MAST2: variants seen among roughly 807,000 people sequenced by gnomAD.
MAST2 encodes microtubule associated serine/threonine kinase 2, also known as microtubule-associated serine/threonine-protein kinase 2.
A neutral mutation model predicts 147.4 loss-of-function variants in MAST2; 70 were observed. The ratio of observed to expected loss-of-function variants is 0.47; its 90% confidence interval spans 0.39 to 0.58. The LOEUF is 0.58. Ranked by LOEUF, MAST2 falls within the 20% of genes least tolerant of loss-of-function variation. The pLI, the probability that MAST2 is intolerant of heterozygous loss-of-function variation, is 0.00. For missense variants in MAST2, 2,080 were observed against 2,302.3 expected (o/e 0.90, Z 1.98); for synonymous variants, 869 against 896.8 (o/e 0.97, Z 0.55).
chr1:45,822,925 C>T (rs1042423250), intron 1 of MAST2, among the ~76,000 whole-genome samples: 4 of 152,150 alleles, frequency 2.6e-5, no homozygotes, highest in Non-Finnish European at 4.4e-5. Flanking sequence ...TCCTGTTCCC[C>T]GTCTCACTGC....
intron 10 of MAST2, among the ~76,000 whole-genome samples, chr1:46,014,878 T>C (rs1341634072): frequency 6.6e-6 from 1 of 152,166 alleles, no homozygotes; most frequent in African/African-American, 2.4e-5. Context: ...ATACATTTTT[T>C]TCAGCACCGC....
At position 45,809,849 on chromosome 1, in the gene MAST2, A is replaced by G. The variant is rs566298506; in HGVS notation, c.177+5777A>G. ...AGAGATCAAATGCAAAAATGACTGG[A>G]AAGCACATAATAAGTAGGTGCTTAA... On this transcript the variant is annotated intron_variant, in intron 1 of 28. Transcript: ENST00000361297. Among the ~76,000 whole-genome samples, 3 of 152,342 alleles carry G rather than the reference A, an allele frequency of 2.0e-5. No individual in the cohort carries two copies. In the East Asian group the frequency reaches 5.8e-4, roughly 29 times the overall value.
At chr1:45,941,529 A>G (rs1657264358) in intron 4 of MAST2, among the ~76,000 whole-genome samples, 1 of 152,232 alleles carries the variant, frequency 6.6e-6, no homozygotes, top group South Asian at 2.1e-4. Context: ...AAGTGCTGGA[A>G]TTACAGGCGT....
chr1:46,034,652 G>GCCAGTACCGCTCTCCAC lies in MAST2; in HGVS notation c.3984_4000dup (p.Arg1334ProfsTer43). 6.2e-7 allele frequency: 1 copy of GCCAGTACCGCTCTCCAC among 1,614,026 alleles called. No individual in the cohort carries two copies. The highest frequency in any genetic ancestry group is 1.1e-5 in the South Asian group (1 of 91,082). On this transcript the variant is annotated frameshift_variant, in exon 29 of 29. Transcript: ENST00000361297. LOFTEE classifies it low-confidence loss of function (END_TRUNC). ...CACGGTCTGGCACCCAAGCTCCAAC[G>GCCAGTACCGCTCTCCAC]CCAGTACCGCTCTCCACGGCGCAAG...
intron 8 of MAST2, among the ~76,000 whole-genome samples, chr1:46,006,952 G>A (rs568317297): frequency 5.9e-5 from 9 of 152,200 alleles, no homozygotes; most frequent in Non-Finnish European, 1.0e-4. Context: ...GGTTGCTGGC[G>A]TGGGGAAGAA....
At chr1:45,846,559 T>C (rs2147950422) in intron 3 of MAST2, among the ~76,000 whole-genome samples, 1 of 152,256 alleles carries the variant, frequency 6.6e-6, no homozygotes, top group South Asian at 2.1e-4. Flanking sequence ...CGGTGGCTCA[T>C]ACCTGTAATC....
chr1:45,934,835 T>G (rs1376940159), intron 4 of MAST2, among the ~76,000 whole-genome samples: 1 of 152,258 alleles, frequency 6.6e-6, no homozygotes, highest in Non-Finnish European at 1.5e-5. Flanking sequence ...GTGTCTTTGC[T>G]ATAGTGAATA....
At chr1:45,948,857 A>T (rs1287550742) in intron 4 of MAST2, among the ~76,000 whole-genome samples, 1 of 152,170 alleles carries the variant, frequency 6.6e-6, no homozygotes, top group African/African-American at 2.4e-5. Flanking sequence ...GTACAAAAAC[A>T]GGGACATAAA....
intron 15 of MAST2, among the ~76,000 whole-genome samples, chr1:46,025,394 A>T (rs1003952771): frequency 1.3e-5 from 2 of 152,146 alleles, no homozygotes; most frequent in African/African-American, 4.8e-5. Context: ...CATGGGAAAG[A>T]CCCACTTCCA....
At chr1:45,920,974 A>G (rs1422160556) in intron 4 of MAST2, among the ~76,000 whole-genome samples, 4 of 152,058 alleles carry the variant, frequency 2.6e-5, no homozygotes. Flanking sequence ...ACAGTATCTT[A>G]CTCCAATGTC....
At chr1:45,807,656 T>A (rs1644179598) in intron 1 of MAST2, among the ~76,000 whole-genome samples, 1 of 151,924 alleles carries the variant, frequency 6.6e-6, no homozygotes, top group African/African-American at 2.4e-5. Context: ...ATTCTCCAGC[T>A]TCAGCCTCCC....
At chr1:45,978,974 ACC>A (rs1376156873) in intron 5 of MAST2, among the ~76,000 whole-genome samples, 36 of 152,226 alleles carry the variant, frequency 2.4e-4, no homozygotes, top group African/African-American at 8.4e-4. Context: ...TATACTAAAA[ACC>A]TCTAAACTGC....
chr1:45,960,659 G>C (rs574174439), intron 5 of MAST2, among the ~76,000 whole-genome samples: 8 of 152,186 alleles, frequency 5.3e-5, no homozygotes, highest in Middle Eastern at 3.2e-3. Context: ...ACCAGGCCAC[G>C]GGACTCAGCT....
chr1:45,811,011 C>T (rs1210152252), intron 1 of MAST2, among the ~76,000 whole-genome samples: 1 of 150,350 alleles, frequency 6.7e-6, no homozygotes, highest in Non-Finnish European at 1.5e-5. Flanking sequence ...GGCCACCATG[C>T]CTGGCTAATT....
chr1:46,025,647 T>C, intron 15 of MAST2, 30 bp from the exon 16 acceptor site: 1 of 1,613,522 alleles, frequency 6.2e-7, no homozygotes, highest in South Asian at 1.1e-5. Flanking sequence ...AACTGAATCC[T>C]TTCCTCATGG....
At chr1:45,898,143 GAA>G (rs1649075639) in intron 4 of MAST2, among the ~76,000 whole-genome samples, 1 of 151,878 alleles carries the variant, frequency 6.6e-6, no homozygotes, top group Admixed American at 6.6e-5. Context: ...AAAAAGAAAA[GAA>G]AAAGAAAAAA....
chr1:46,024,235 G>GA, intron 15 of MAST2: 2 of 471,642 alleles, frequency 4.2e-6, no homozygotes. Flanking sequence ...GCACCCCAAA[G>GA]CCTGCACGCT....
chr1:46,001,836 C>T (rs1645287358), intron 6 of MAST2, among the ~76,000 whole-genome samples: 1 of 152,168 alleles, frequency 6.6e-6, no homozygotes, highest in African/African-American at 2.4e-5. Context: ...GAACAAACCA[C>T]CCAAATCTCA....
intron 3 of MAST2, among the ~76,000 whole-genome samples, chr1:45,879,572 C>CAAAAAAAAA (rs56115997): frequency 9.8e-6 from 1 of 101,706 alleles, no homozygotes. Context: ...GACTCCATCT[C>CAAAAAAAAA]AAAAAAAAAA....
Sources: allele counts gnomAD v4.1 joint callset (sites outside exome capture counted in the v4.1 genomes callset), GRCh38; gene constraint gnomAD v4.1.1; transcripts MANE v1.5; gene names NCBI Gene and HGNC (gene_info 2026-07-23, HGNC 2026-07-21).